Variants in AHNAK2 observed in about 807,000 individuals in gnomAD.
AHNAK2 encodes the protein AHNAK nucleoprotein 2, also known as protein AHNAK2.
In AHNAK2, 18 loss-of-function variants were observed where a neutral mutation model predicts 30.7. The observed-to-expected ratio is 0.59, with a 90% CI of 0.41 to 0.87. The LOEUF (loss-of-function observed/expected upper bound fraction) is 0.87. Among genes scored for constraint, AHNAK2 ranks in the 40% least tolerant of loss-of-function variants. The pLI is 0.00. For synonymous variants in AHNAK2, 3,590 were observed against 3,073.8 expected, an observed-to-expected ratio of 1.17 and a Z score of -5.56; for missense variants, 8,604 against 7,373.0, an observed-to-expected ratio of 1.17 and a Z score of -6.11.
In AHNAK2 at chr14:104,953,499, ATTAG is replaced by A. The variant is rs1239479378; in HGVS notation, c.1948_1951del (p.Leu650TyrfsTer7). On this transcript the variant is annotated frameshift_variant, in exon 7 of 7. Coordinates refer to ENST00000333244, the MANE Select transcript of AHNAK2 (RefSeq NM_138420.4). LOFTEE classifies it low-confidence loss of function (END_TRUNC). ...CTTTTTTAAGCGTTTTTCATCGTGT[ATTAG>A]TTGTATTTTTGTTGTGTTTGTCATT... 7.4e-6 allele frequency: 12 copies of A among 1,613,632 alleles called. No homozygotes were observed. Among genetic ancestry groups the A allele is most frequent in the Non-Finnish European group, 1.0e-5 (12 of 1,179,844 alleles).
At position 104,959,263 on chromosome 14, in the gene AHNAK2, C is replaced by A. The variant is rs930943056; in HGVS notation, c.56-1591G>T. Among the ~76,000 whole-genome samples the A allele has an allele frequency of 1.2e-4, 18 of 152,304 alleles. 1 individual carries two copies. Among genetic ancestry groups the A allele is most frequent in the Admixed American group, 7.8e-4 (12 of 15,302 alleles). ...TCTTGGTTCACTGCAACCTCCGCCT[C>A]CCAGGTTCAAGTGATTCTTCTGCCT... On this transcript the variant is annotated intron_variant, in intron 1 of 6. Transcript: ENST00000333244.
In AHNAK2 at chr14:104,939,245, C is replaced by T. The variant is rs775641101; in HGVS notation, c.16206G>A (p.Glu5402=). Residue 5402 remains glutamate (E), a synonymous_variant, in exon 7 of 7, where the codon GAG becomes GAA. Coordinates refer to ENST00000333244, the MANE Select transcript of AHNAK2 (RefSeq NM_138420.4). ...TCACAGTGGGGATGAACACATCATC[C>T]TCTGAGCTGGGGGCAGGGAAGGAGA... ...PRFSFPAPSS[E]DDVFIPTVRE... is the part of the protein sequence containing the mutation. The T allele has an allele frequency of 6.2e-7, 1 of 1,613,886 alleles. No individual in the cohort carries two copies. Among genetic ancestry groups the T allele is most frequent in the South Asian group, 1.1e-5 (1 of 91,088 alleles).
chr14:104,970,758 G>A (rs770088133), intron 1 of AHNAK2, among the ~76,000 whole-genome samples: 3 of 152,196 alleles, frequency 2.0e-5, no homozygotes, highest in East Asian at 1.9e-4. Context: ...GGAACAGACC[G>A]CTCTGAGTCA....
rs146438124 is a variant in AHNAK2, at chr14:104,948,349, C to G, written c.7102G>C (p.Val2368Leu). 6.3e-7 allele frequency: 1 copy of G among 1,597,080 alleles called. No individual in the cohort carries two copies. The part of the protein sequence containing the change: ...QGDLKTTDLS[V>L]QPPSADLEVQ... Reference sequence around the variant, plus strand: ...TCCAGGTCAGCGGAAGGGGGCTGAACGCTGAGGTCAGTGGTCTTGAGGTCC... The same window carrying G: ...TCCAGGTCAGCGGAAGGGGGCTGAAGGCTGAGGTCAGTGGTCTTGAGGTCC... Residue 2368 changes from valine to leucine, a missense_variant, in exon 7 of 7, where the codon GTT becomes CTT. By Grantham distance (32) the Val-to-Leu change is conservative. Coordinates refer to ENST00000333244, the MANE Select transcript of AHNAK2 (RefSeq NM_138420.4).
chr14:104,950,450 T>C lies in AHNAK2; in HGVS notation c.5001A>G (p.Ser1667=), dbSNP rs139096337. 5,607 of 1,573,948 alleles carry C rather than the reference T, an allele frequency of 3.6e-3. 558 individuals are homozygous for C. Among genetic ancestry groups the C allele is most frequent in the African/African-American group, 0.025 (1,709 of 69,726 alleles). The part of the protein sequence containing the change: ...KFKMPKFKMP[S]FGVSAPGKSI... ...ACTTGCCTGGGGCCGACACCCCAAATGATGGCATCTTGAACTTGGGCATTT... is the reference window on the plus strand; with the variant it reads ...ACTTGCCTGGGGCCGACACCCCAAACGATGGCATCTTGAACTTGGGCATTT... The change falls in exon 7 of 7, where the codon TCA becomes TCG. Residue 1667 remains serine, a synonymous_variant. Coordinates refer to ENST00000333244, the MANE Select transcript of AHNAK2 (RefSeq NM_138420.4).
Position 104,952,595 on chromosome 14 carries a change from C to T in AHNAK2, c.2856G>A (p.Val952=). The T allele has an allele frequency of 6.2e-7, 1 of 1,611,758 alleles. No homozygotes were observed. Among genetic ancestry groups the T allele is most frequent in the Non-Finnish European group, 8.5e-7 (1 of 1,179,228 alleles). The change falls in exon 7 of 7, where the codon GTG becomes GTA. Residue 952 remains valine (V), a synonymous_variant. Transcript: ENST00000333244. The part of the protein sequence containing the change: ...KLDLKGPKAE[V]TAPDGEVSLP... ...GAGACACCTCGCCATCGGGGGCTGT[C>T]ACTTCCGCCTTGGGGCCTTTCAGGT...
rs773313362 is a variant in AHNAK2, at chr14:104,943,558, C to T, written c.11893G>A (p.Asp3965Asn). ...SLADKDMTAKDSKFKMPKFKM... is the reference protein window; with the variant it reads ...SLADKDMTAKNSKFKMPKFKM... Reference sequence around the variant, plus strand: ...AACTTGGGCATTTTGAACTTGCTGTCTTTGGCCGTCATGTCCTTGTCGGCC... The same window carrying T: ...AACTTGGGCATTTTGAACTTGCTGTTTTTGGCCGTCATGTCCTTGTCGGCC... The change falls in exon 7 of 7, where the codon GAC (aspartate) becomes AAC (asparagine). Residue 3965 changes from aspartate (D) to asparagine (N), a missense_variant. Transcript: ENST00000333244. The T allele has an allele frequency of 1.9e-6, 3 of 1,613,050 alleles. No homozygotes were observed. The highest frequency in any genetic ancestry group is 4.5e-5 in the East Asian group (2 of 44,768).
intron 1 of AHNAK2, 73 bp from the exon 2 acceptor site, chr14:104,957,745 G>T: frequency 6.9e-7 from 1 of 1,447,000 alleles, no homozygotes; most frequent in African/African-American, 1.4e-5. Flanking sequence ...GAGGGAGCCA[G>T]GACTGTATGT....
chr14:104,968,129 C>T (rs982884047), intron 1 of AHNAK2, among the ~76,000 whole-genome samples: 1 of 152,236 alleles, frequency 6.6e-6, no homozygotes, highest in African/African-American at 2.4e-5. Flanking sequence ...AATGCCCTTC[C>T]CCCACTCCCC....
In AHNAK2 at chr14:104,944,912, C is replaced by T. The variant is rs1282111237; in HGVS notation, c.10539G>A (p.Gln3513=). 2.5e-6 allele frequency: 4 copies of T among 1,613,220 alleles called. No individual in the cohort carries two copies. Among genetic ancestry groups the T allele is most frequent in the Non-Finnish European group, 3.4e-6 (4 of 1,179,600 alleles). The change falls in exon 7 of 7, where the codon CAG becomes CAA. Residue 3513 remains glutamine, a synonymous_variant. Transcript: ENST00000333244. ...TGAGGTCAGTGGCCTTGAGGTCCCC[C>T]TGCATGGAGGAGAGGCTCACGTCGG... ...VEADVSLSSM[Q]GDLKATDLSI...
In AHNAK2 at chr14:104,966,508, C is replaced by G. The variant is rs753061947; in HGVS notation, c.56-8836G>C. Among the ~76,000 whole-genome samples, 110 of 152,302 alleles carry G rather than the reference C, an allele frequency of 7.2e-4. No individual in the cohort carries two copies. Among genetic ancestry groups the G allele is most frequent in the Non-Finnish European group, 1.2e-3 (80 of 68,018 alleles). ...CCTTTGCATTCAGACACTGCCCCAC[C>G]ACCTGACAGGGCCCCTGCTGCTCCC... On this transcript the variant is annotated intron_variant, in intron 1 of 6. Transcript: ENST00000333244. This position sits in a 1 kb window ranked among gnomAD's most constrained non-coding sequence, Gnocchi z 4.3.
chr14:104,952,684 T>G lies in AHNAK2; in HGVS notation c.2767A>C (p.Ser923Arg), dbSNP rs762868199. 1.2e-5 allele frequency: 19 copies of G among 1,612,606 alleles called. 1 individual carries two copies. The highest frequency in any genetic ancestry group is 1.6e-5 in the Non-Finnish European group (19 of 1,179,610). Residue 923 changes from serine to arginine, a missense_variant, in exon 7 of 7, where the codon AGT (serine) becomes CGT (arginine). Physicochemically the swap from Ser to Arg is moderately radical, Grantham distance 110. Coordinates refer to ENST00000333244, the MANE Select transcript of AHNAK2 (RefSeq NM_138420.4). ...AGGTCCACTTTGGGCATCTTGAAAC[T>G]GGGCATCTCCACTTTGGGCAGGTGC... is the stretch of plus-strand genomic sequence containing the variant. ...KVHLPKVEMP[S>R]FKMPKVDLKG... is the part of the protein sequence containing the mutation.
At chr14:104,960,369 T>C (rs1899102782) in intron 1 of AHNAK2, among the ~76,000 whole-genome samples, 1 of 152,202 alleles carries the variant, frequency 6.6e-6, no homozygotes. Flanking sequence ...CCCTAAACAA[T>C]ATAGTATACC....
At position 104,955,778 on chromosome 14, in the gene AHNAK2, C is replaced by T. The variant is rs532181294; in HGVS notation, c.316-145G>A. On this transcript the variant is annotated intron_variant, in intron 4 of 6. Transcript: ENST00000333244. ...AACACAGAGCAGAGTAGGGTACCCACCAGGTGGGCTCAGGTAGCTGTCTCT... is the reference window on the plus strand; with the variant it reads ...AACACAGAGCAGAGTAGGGTACCCATCAGGTGGGCTCAGGTAGCTGTCTCT... 2.7e-4 allele frequency: 312 copies of T among 1,139,316 alleles called. 1 individual carries two copies. Among genetic ancestry groups the T allele is most frequent in the Middle Eastern group, 1.5e-3 (5 of 3,276 alleles). The allele number at this position is 1,139,316 out of a possible 1,614,324, so 70.6% of individuals were successfully genotyped here.
rs1897939813 is a variant in AHNAK2 at position 104,940,325 on chromosome 14, C to G, written c.15126G>C (p.Gln5042His). ...TAGAAAGGGAAGGATCCACGTCTCT[C>G]TGTGGCAGGCTGACCCCACTCTTAG... The part of the protein sequence containing the change: ...KASKSGVSLP[Q>H]RDVDPSLSSA... The change falls in exon 7 of 7, where the codon CAG becomes CAC. Residue 5042 changes from glutamine (Q) to histidine (H), a missense_variant. Gln to His is a conservative substitution (Grantham distance 24). Coordinates refer to ENST00000333244, the MANE Select transcript of AHNAK2 (RefSeq NM_138420.4). This position sits in a 1 kb window ranked among gnomAD's most constrained non-coding sequence, Gnocchi z 4.4. The G allele has an allele frequency of 1.2e-6, 2 of 1,613,852 alleles. No individual in the cohort carries two copies. The highest frequency in any genetic ancestry group is 8.5e-7 in the Non-Finnish European group (1 of 1,179,886).
chr14:104,944,051 G>A lies in AHNAK2; in HGVS notation c.11400C>T (p.Asp3800=). Residue 3800 remains aspartate, a synonymous_variant, in exon 7 of 7, where the codon GAC becomes GAT. Transcript: ENST00000333244. ...SLADKDVTAK[D]SKFKMPKFKM... Reference sequence around the variant, plus strand: ...TGAACTTGGGCATTTTGAATTTGCTGTCTTTGGCAGTCACATCCTTGTCGG... The same window carrying A: ...TGAACTTGGGCATTTTGAATTTGCTATCTTTGGCAGTCACATCCTTGTCGG... 2 of 1,613,192 alleles carry A rather than the reference G, an allele frequency of 1.2e-6. No homozygotes were observed. Among genetic ancestry groups the A allele is most frequent in the East Asian group, 2.2e-5 (1 of 44,794 alleles).
chr14:104,938,701 G>C lies in AHNAK2; in HGVS notation c.16750C>G (p.Leu5584Val), dbSNP rs750084039. Residue 5584 changes from leucine to valine, a missense_variant, in exon 7 of 7, where the codon CTG (leucine) becomes GTG (valine). Transcript: ENST00000333244. ...TCAAATGTGAGTGTTTGCTGTCCCA[G>C]TACATTGACGCTGGAAGAGATCATC... ...FEMISSSVNV[L>V]GQQTLTFEVP... 1.2e-6 allele frequency: 2 copies of C among 1,613,334 alleles called. No homozygotes were observed. Among genetic ancestry groups the C allele is most frequent in the Admixed American group, 1.7e-5 (1 of 59,944 alleles).
chr14:104,944,468 C>T lies in AHNAK2; in HGVS notation c.10983G>A (p.Val3661=). ...SAPGKSMEAS[V]DVSAPKVEAD... is the part of the protein sequence containing the mutation. Reference sequence around the variant, plus strand: ...CTTCCACCTTGGGTGCAGACACATCCACCGAGGCCTCCATGGACTTCCCTG... The same window carrying T: ...CTTCCACCTTGGGTGCAGACACATCTACCGAGGCCTCCATGGACTTCCCTG... Residue 3661 remains valine, a synonymous_variant, in exon 7 of 7, where the codon GTG becomes GTA. Coordinates refer to ENST00000333244, the MANE Select transcript of AHNAK2 (RefSeq NM_138420.4). 6.2e-7 allele frequency: 1 copy of T among 1,613,230 alleles called. No individual in the cohort carries two copies. The highest frequency in any genetic ancestry group is 8.5e-7 in the Non-Finnish European group (1 of 1,179,636).
rs571327299 is a variant in AHNAK2, at chr14:104,967,842, G to A, written c.56-10170C>T. Among the ~76,000 whole-genome samples the A allele has an allele frequency of 2.0e-5, 3 of 152,292 alleles. No homozygotes were observed. In the South Asian group the frequency reaches 6.2e-4, roughly 32 times the overall value. On this transcript the variant is annotated intron_variant, in intron 1 of 6. Coordinates refer to ENST00000333244, the MANE Select transcript of AHNAK2 (RefSeq NM_138420.4). ...GGACCCGCGCCAGTCGGGAGAGAGA[G>A]GAAGGCCCCCAGTATCCCAGTCCCC... is the stretch of plus-strand genomic sequence containing the variant.
Sources: allele counts gnomAD v4.1 joint callset (sites outside exome capture counted in the v4.1 genomes callset), GRCh38; gene constraint gnomAD v4.1.1; non-coding constraint Gnocchi (gnomAD v3.1); transcripts MANE v1.5; gene names NCBI Gene and HGNC (gene_info 2026-07-23, HGNC 2026-07-21).